TFB2M: variants seen among roughly 807,000 people sequenced by gnomAD.
TFB2M encodes dimethyladenosine transferase 2, mitochondrial.
Under a neutral mutation model 41.3 loss-of-function variants are expected in TFB2M, and 44 were observed. The ratio of observed to expected loss-of-function variants is 1.07; its 90% CI spans 0.84 to 1.37. The LOEUF is 1.37. Ranked by LOEUF, TFB2M falls within the 40% of genes most tolerant of loss-of-function variation. The pLI, the probability that TFB2M is intolerant of heterozygous loss-of-function variation, is 0.00. For missense variants in TFB2M, 496 were observed against 490.2 expected (o/e 1.01, Z -0.11); for synonymous variants, 188 against 176.8 (o/e 1.06, Z -0.50).
At chr1:246,544,972 A>AT (rs1159065019) in intron 6 of TFB2M, among the ~76,000 whole-genome samples, 7 of 151,958 alleles carry the variant, frequency 4.6e-5, no homozygotes, top group East Asian at 3.9e-4. Context: ...CGCCTGGCTA[A>AT]TTTTTTGTAT....
chr1:246,559,655 T>G (rs1274489495), intron 2 of TFB2M, among the ~76,000 whole-genome samples: 1 of 152,076 alleles, frequency 6.6e-6, no homozygotes, highest in Non-Finnish European at 1.5e-5. Context: ...ATCATACACA[T>G]TTGGTCACAT....
chr1:246,565,530 G>A (rs1422504363), intron 1 of TFB2M, among the ~76,000 whole-genome samples: 1 of 152,140 alleles, frequency 6.6e-6, no homozygotes, highest in Non-Finnish European at 1.5e-5. Flanking sequence ...TGGCCAACAC[G>A]GCGAAATCCC....
chr1:246,564,398 C>T lies in TFB2M; in HGVS notation c.350G>A (p.Gly117Asp), dbSNP rs202033201. Residue 117 changes from glycine to aspartate, a missense_variant, in exon 2 of 8, where the codon GGT becomes GAT. Gly to Asp is a moderately conservative substitution (Grantham distance 94). Coordinates refer to ENST00000366514, the MANE Select transcript of TFB2M (RefSeq NM_022366.3). ...ACTTTCGAGCGCAACCACTTTGGCA[C>T]CAGCTTCAAGTAATGCCTGAGTCAG... ...GILTQALLEA[G>D]AKVVALESDK... 4.5e-5 allele frequency: 72 copies of T among 1,614,194 alleles called. No individual in the cohort carries two copies. In the East Asian group the frequency reaches 1.6e-3, roughly 35 times the overall value.
At chr1:246,544,962 C>A (rs9661757) in intron 6 of TFB2M, among the ~76,000 whole-genome samples, 1 of 151,862 alleles carries the variant, frequency 6.6e-6, no homozygotes, top group Non-Finnish European at 1.5e-5. Context: ...CCCACCACCA[C>A]GCCTGGCTAA....
At chr1:246,565,243 A>G (rs1166543036) in intron 1 of TFB2M, among the ~76,000 whole-genome samples, 1 of 152,228 alleles carries the variant, frequency 6.6e-6, no homozygotes, top group Non-Finnish European at 1.5e-5. Context: ...AGATAACATC[A>G]TTTTTTCAGC....
chr1:246,548,652 T>C (rs1558510374), intron 5 of TFB2M, 45 bp from the exon 6 acceptor site: 1 of 1,574,182 alleles, frequency 6.4e-7, no homozygotes. Flanking sequence ...TATTTCTCTT[T>C]GGTCAAAGTG....
chr1:246,544,538 A>T lies in TFB2M; in HGVS notation c.1002T>A (p.Thr334=). 1.2e-6 allele frequency: 2 copies of T among 1,605,472 alleles called. No homozygotes were observed. Among genetic ancestry groups the T allele is most frequent in the Non-Finnish European group, 1.7e-6 (2 of 1,178,000 alleles). Reference sequence around the variant, plus strand: ...TTACTCACCGTAAGTGGTCTATTACAGTGGCGCTGCGCCTCCCAAAACAGT... The same window carrying T: ...TTACTCACCGTAAGTGGTCTATTACTGTGGCGCTGCGCCTCCCAAAACAGT... ...LKHCFGRRSA[T]VIDHLRSLTP... Residue 334 remains threonine, a synonymous_variant, in exon 7 of 8, where the codon ACT becomes ACA. Coordinates refer to ENST00000366514, the MANE Select transcript of TFB2M (RefSeq NM_022366.3).
intron 4 of TFB2M, among the ~76,000 whole-genome samples, chr1:246,553,231 A>C (rs1659232050): frequency 6.6e-6 from 1 of 152,042 alleles, no homozygotes; most frequent in Non-Finnish European, 1.5e-5. Context: ...AAAAAAACAA[A>C]ACAAAACAAA....
intron 6 of TFB2M, among the ~76,000 whole-genome samples, chr1:246,545,022 G>T (rs569046785): frequency 2.6e-5 from 4 of 151,570 alleles, no homozygotes; most frequent in East Asian, 4.0e-4. Context: ...AGCCAGGATG[G>T]TCTCGATCTC....
chr1:246,564,079 G>A (rs1659526501), intron 2 of TFB2M, among the ~76,000 whole-genome samples: 1 of 152,198 alleles, frequency 6.6e-6, no homozygotes, highest in African/African-American at 2.4e-5. Flanking sequence ...GCCTAGGGAT[G>A]CCAGTTATAC....
At chr1:246,564,233 T>C (rs988994597) in intron 2 of TFB2M, 113 bp downstream of exon 2, 7 of 830,880 alleles carry the variant, frequency 8.4e-6, no homozygotes, top group Admixed American at 4.9e-5. Context: ...ATTTCAGAGA[T>C]GGCTCCCTAA....
chr1:246,543,004 T>TC (rs1265531788), intron 7 of TFB2M, among the ~76,000 whole-genome samples: 28 of 148,792 alleles, frequency 1.9e-4, no homozygotes, highest in African/African-American at 6.9e-4. Flanking sequence ...TTTTTTTTTT[T>TC]TTTAGAGACA....
chr1:246,543,132 G>A (rs535918698), intron 7 of TFB2M, among the ~76,000 whole-genome samples: 56 of 151,142 alleles, frequency 3.7e-4, no homozygotes, highest in African/African-American at 1.2e-3. Flanking sequence ...AAAAATGCTC[G>A]GATTACAGGC....
chr1:246,551,166 C>G, intron 5 of TFB2M, 47 bp downstream of exon 5: 1 of 1,454,820 alleles, frequency 6.9e-7, no homozygotes, highest in Non-Finnish European at 9.6e-7. Context: ...CATAATGAGA[C>G]CCTGTCGCTA....
chr1:246,542,256 A>T (rs968740442), intron 7 of TFB2M, among the ~76,000 whole-genome samples: 2 of 150,080 alleles, frequency 1.3e-5, no homozygotes, highest in African/African-American at 2.4e-5. Flanking sequence ...TATAAGGTAT[A>T]TTATATAATA....
At position 246,548,739 on chromosome 1, in the gene TFB2M, T is replaced by C. The variant is rs1367782413; in HGVS notation, c.796-132A>G. ...AGTCTAATTGGATTTAAAAGAAACA[T>C]GTTATAGCTAAATAATACACATCTC... On this transcript the variant is annotated intron_variant, in intron 5 of 7. Transcript: ENST00000366514. The C allele has an allele frequency of 4.5e-5, 31 of 691,660 alleles. 1 individual carries two copies. Among genetic ancestry groups the C allele is most frequent in the Non-Finnish European group, 1.2e-5 (5 of 426,842 alleles). 42.8% of individuals were successfully genotyped at this position (691,660 alleles called of 1,614,324 possible). A position where few individuals can be genotyped will look rare whatever the true frequency, so the allele number is the denominator to read the frequency against.
At chr1:246,552,527 T>C (rs1659213584) in intron 4 of TFB2M, among the ~76,000 whole-genome samples, 1 of 149,756 alleles carries the variant, frequency 6.7e-6, no homozygotes, top group South Asian at 2.1e-4. Context: ...CAACACAGCA[T>C]GACCCTGTCA....
At chr1:246,545,605 G>A (rs1013732931) in intron 6 of TFB2M, among the ~76,000 whole-genome samples, 5 of 151,918 alleles carry the variant, frequency 3.3e-5, no homozygotes, top group Non-Finnish European at 7.4e-5. Flanking sequence ...TTGAGCCCAG[G>A]AGTTCAAGAC....
chr1:246,555,790 T>TAC (rs747440189), intron 4 of TFB2M, among the ~76,000 whole-genome samples: 7 of 151,464 alleles, frequency 4.6e-5, no homozygotes, highest in African/African-American at 7.3e-5. Context: ...AGTATATATA[T>TAC]ACAATAGATT....
Sources: allele counts gnomAD v4.1 joint callset (sites outside exome capture counted in the v4.1 genomes callset), GRCh38; gene constraint gnomAD v4.1.1; transcripts MANE v1.5; gene names NCBI Gene and HGNC (gene_info 2026-07-23, HGNC 2026-07-21).